The following VEZT variants were observed in gnomAD, a reference collection of about 807,000 sequenced individuals.
The protein encoded by VEZT is vezatin.
A neutral mutation model predicts 79.9 loss-of-function variants in VEZT; 39 were observed. The ratio of observed to expected loss-of-function variants is 0.49; its 90% CI spans 0.38 to 0.64. The LOEUF is 0.64. Ranked by LOEUF, VEZT falls within the 30% of genes least tolerant of loss-of-function variation. The pLI, the probability that VEZT is intolerant of heterozygous loss-of-function variation, is 0.00. For missense variants in VEZT, 837 were observed against 893.1 expected (o/e 0.94, Z 0.80); for synonymous variants, 325 against 327.6 (o/e 0.99, Z 0.09).
intron 7 of VEZT, among the ~76,000 whole-genome samples, chr12:95,281,942 A>G (rs1235862128): frequency 6.6e-6 from 1 of 151,600 alleles, no homozygotes; most frequent in Non-Finnish European, 1.5e-5. Flanking sequence ...AGAAAAAAAT[A>G]TATATATATA....
chr12:95,228,227 C>G (rs1238466169), intron 1 of VEZT, among the ~76,000 whole-genome samples: 1 of 152,182 alleles, frequency 6.6e-6, no homozygotes, highest in Non-Finnish European at 1.5e-5. Context: ...TCTCACAAAA[C>G]CTTTCACATT....
At chr12:95,235,645 T>G (rs9706469) in intron 1 of VEZT, among the ~76,000 whole-genome samples, 1 of 129,552 alleles carries the variant, frequency 7.7e-6, no homozygotes, top group Non-Finnish European at 1.7e-5. Context: ...ACCTCCCGGA[T>G]GGGGCGGCTG....
At chr12:95,282,793 C>CAA in intron 8 of VEZT, 149 bp downstream of exon 8, 3 of 404,772 alleles carry the variant, frequency 7.4e-6, no homozygotes, top group Admixed American at 4.3e-5. Context: ...ATAAATATAG[C>CAA]AAAAAAAAAA....
intron 2 of VEZT, among the ~76,000 whole-genome samples, chr12:95,254,999 G>C (rs1306592318): frequency 6.6e-6 from 1 of 151,998 alleles, no homozygotes; most frequent in Non-Finnish European, 1.5e-5. Flanking sequence ...TCGTTGGCTT[G>C]ATATCTTCTC....
intron 7 of VEZT, among the ~76,000 whole-genome samples, chr12:95,278,608 C>A (rs1309067483): frequency 6.6e-6 from 1 of 152,184 alleles, no homozygotes; most frequent in Non-Finnish European, 1.5e-5. Flanking sequence ...TGTGTTGCCC[C>A]CTCTAAAGAA....
At chr12:95,222,540 TA>T (rs2057781924) in intron 1 of VEZT, among the ~76,000 whole-genome samples, 1 of 152,146 alleles carries the variant, frequency 6.6e-6, no homozygotes, top group East Asian at 1.9e-4. Flanking sequence ...TTATTTTAAT[TA>T]CTATAATTTA....
Position 95,235,536 on chromosome 12 carries a change from G to A in VEZT, c.37-16404G>A, listed in dbSNP as rs547182794. 8.2e-3 allele frequency among the ~76,000 whole-genome samples: 1,165 copies of A among 142,716 alleles called. 5 individuals are homozygous for A. Among genetic ancestry groups the A allele is most frequent in the Non-Finnish European group, 0.013 (813 of 64,374 alleles). The allele number at this position is 142,716 out of a possible 152,430, so 93.6% of individuals were successfully genotyped here. A position where few individuals can be genotyped will look rare whatever the true frequency, so the allele number is the denominator to read the frequency against. On this transcript the variant is annotated intron_variant, in intron 1 of 11. Transcript: ENST00000436874. ...TCCCGGACGGGGCAGCTGGCCGGGCGGGGGGCTGACCCCCCGACCTCCCTC... is the reference window on the plus strand; with the variant it reads ...TCCCGGACGGGGCAGCTGGCCGGGCAGGGGGCTGACCCCCCGACCTCCCTC...
intron 1 of VEZT, chr12:95,242,116 A>C (rs1453076899): frequency 6.6e-6 from 1 of 152,206 alleles, no homozygotes; most frequent in East Asian, 1.9e-4. Flanking sequence ...TTTATTTTAG[A>C]TCTTATCTAT....
chr12:95,220,415 C>T (rs933780744), intron 1 of VEZT, among the ~76,000 whole-genome samples: 2 of 152,050 alleles, frequency 1.3e-5, no homozygotes, highest in Non-Finnish European at 2.9e-5. Context: ...ATGATCGCAC[C>T]GCTGTACTCC....
chr12:95,259,593 T>A (rs2064036133), intron 3 of VEZT, among the ~76,000 whole-genome samples: 1 of 152,198 alleles, frequency 6.6e-6, no homozygotes, highest in South Asian at 2.1e-4. Flanking sequence ...AGACACTAAG[T>A]CCTGGCACTC....
chr12:95,292,847 CTTTTTTTTT>C (rs1204643991), intron 9 of VEZT, among the ~76,000 whole-genome samples: 1 of 96,480 alleles, frequency 1.0e-5, no homozygotes, highest in Non-Finnish European at 1.9e-5. Context: ...GTACCTGGCC[CTTTTTTTTT>C]TTTTTTTTTT....
At chr12:95,276,535 G>A (rs2067819269) in intron 7 of VEZT, among the ~76,000 whole-genome samples, 1 of 152,006 alleles carries the variant, frequency 6.6e-6, no homozygotes, top group Admixed American at 6.6e-5. Context: ...CTCCCAAAGT[G>A]TTGGGATAAC....
intron 1 of VEZT, among the ~76,000 whole-genome samples, chr12:95,247,072 G>C (rs994773956): frequency 1.3e-5 from 2 of 151,946 alleles, no homozygotes; most frequent in African/African-American, 4.8e-5. Context: ...TGCTGTAAAA[G>C]AAAAAAAGTC....
At chr12:95,266,729 G>A (rs2065613818) in intron 5 of VEZT, 97 bp downstream of exon 5, 12 of 1,278,972 alleles carry the variant, frequency 9.4e-6, no homozygotes, top group African/African-American at 3.0e-5. Context: ...TGCATTTATA[G>A]GAAAAAAAAG....
intron 1 of VEZT, among the ~76,000 whole-genome samples, chr12:95,250,060 CT>C (rs5800196): frequency 2.0e-3 from 289 of 143,100 alleles, no homozygotes; most frequent in African/African-American, 5.3e-3. Flanking sequence ...TAATTATAGT[CT>C]TTTTTTTTTA....
At chr12:95,278,368 T>A (rs1380776550) in intron 7 of VEZT, among the ~76,000 whole-genome samples, 1 of 152,194 alleles carries the variant, frequency 6.6e-6, no homozygotes, top group Non-Finnish European at 1.5e-5. Context: ...ATATTTCTTT[T>A]ATTTTTACAT....
intron 7 of VEZT, among the ~76,000 whole-genome samples, chr12:95,278,662 C>G (rs2068305248): frequency 6.6e-6 from 1 of 152,218 alleles, no homozygotes; most frequent in South Asian, 2.1e-4. Context: ...TATCTTCCCT[C>G]AGGAAAGTTT....
chr12:95,224,082 G>T (rs2136533205), intron 1 of VEZT: 1 of 435,276 alleles, frequency 2.3e-6, no homozygotes. Context: ...GTTATCATTG[G>T]TGATTATTTT....
At chr12:95,288,375 T>A (rs541174779) in intron 9 of VEZT, among the ~76,000 whole-genome samples, 5 of 152,274 alleles carry the variant, frequency 3.3e-5, no homozygotes, top group African/African-American at 4.8e-5. Context: ...GGTAAAAAAA[T>A]ATATATATAG....
Sources: gnomAD v4.1 joint callset for allele counts (sites outside exome capture counted in the v4.1 genomes callset) on GRCh38, gnomAD v4.1.1 for gene constraint, MANE v1.5 for transcripts, NCBI Gene and HGNC (gene_info 2026-07-23, HGNC 2026-07-21) for gene names.